Variants in CDH1 observed in about 807,000 individuals in gnomAD.
The protein encoded by CDH1 is cadherin-1.
In CDH1, 35 loss-of-function variants were observed where a neutral mutation model predicts 84.5. The ratio of observed to expected loss-of-function variants is 0.41; its 90% CI spans 0.32 to 0.55. The LOEUF (loss-of-function observed/expected upper bound fraction) is 0.55. Among genes scored for constraint, CDH1 ranks in the 20% least tolerant of loss-of-function variants. The probability of loss-of-function intolerance (pLI) is 0.19; values close to 1 mark genes in which losing one functional copy is unlikely to be tolerated. For missense variants in CDH1, 994 were observed against 1,126.6 expected (o/e 0.88, Z 1.68); for synonymous variants, 417 against 439.0 (o/e 0.95, Z 0.63).
intron 2 of CDH1, among the ~76,000 whole-genome samples, chr16:68,785,908 C>T (rs74608019): frequency 0.071 from 10,776 of 152,254 alleles, 867 homozygotes; most frequent in African/African-American, 0.2. Flanking sequence ...GCAAGCTTTC[C>T]AGTTTCACAT....
At chr16:68,820,421 G>T (rs1224555365) in intron 11 of CDH1, among the ~76,000 whole-genome samples, 1 of 149,312 alleles carries the variant, frequency 6.7e-6, no homozygotes, top group Non-Finnish European at 1.5e-5. Context: ...TGCAATCTTG[G>T]CTCACTGCAG....
At chr16:68,746,791 T>TA (rs1962757270) in intron 2 of CDH1, among the ~76,000 whole-genome samples, 2 of 151,894 alleles carry the variant, frequency 1.3e-5, no homozygotes, top group African/African-American at 2.4e-5. Context: ...CTGCTAAATA[T>TA]AAAAAAAGCT....
At chr16:68,810,379 C>G (rs376161688) in intron 6 of CDH1, 38 bp downstream of exon 6, 23 of 1,599,120 alleles carry the variant, frequency 1.4e-5, no homozygotes, top group Non-Finnish European at 1.9e-5. Context: ...CTCAGAAAGA[C>G]TCTTAGGTTC....
In CDH1 at chr16:68,811,863, A is replaced by AG. The variant is rs1555515665; in HGVS notation, c.1008+8dup. ...CACCACTGGGCTGGACCGAGAGGTC[A>AG]GGGGTCAGGAGGATCCAGAGGGTGT... is the stretch of plus-strand genomic sequence containing the variant. On this transcript the variant is annotated splice_donor_region_variant and intron_variant, in intron 7 of 15. Transcript: ENST00000261769. The AG allele has an allele frequency of 6.2e-7, 1 of 1,614,036 alleles. No individual in the cohort carries two copies. The highest frequency in any genetic ancestry group is 8.5e-7 in the Non-Finnish European group (1 of 1,179,946).
intron 13 of CDH1, among the ~76,000 whole-genome samples, chr16:68,825,130 G>T (rs1429320206): frequency 1.3e-5 from 2 of 151,896 alleles, no homozygotes; most frequent in African/African-American, 4.8e-5. Context: ...TTTTTTAAAA[G>T]AAATGTTTAA....
intron 2 of CDH1, among the ~76,000 whole-genome samples, chr16:68,741,397 G>T (rs1055961269): frequency 1.3e-5 from 2 of 152,132 alleles, no homozygotes; most frequent in African/African-American, 4.8e-5. Context: ...GACAGTGCAC[G>T]GAAGTGAAGG....
chr16:68,748,595 G>A (rs1429636982), intron 2 of CDH1, among the ~76,000 whole-genome samples: 1 of 152,164 alleles, frequency 6.6e-6, no homozygotes, highest in Non-Finnish European at 1.5e-5. Flanking sequence ...ACAGTAACCT[G>A]GGATATACAT....
At chr16:68,747,073 C>T (rs930111873) in intron 2 of CDH1, among the ~76,000 whole-genome samples, 1 of 152,188 alleles carries the variant, frequency 6.6e-6, no homozygotes, top group South Asian at 2.1e-4. Flanking sequence ...TCCAGAAAAT[C>T]TCCAAGAGAG....
intron 2 of CDH1, 35 bp from the exon 3 acceptor site, chr16:68,801,635 C>A (rs775380449): frequency 6.5e-7 from 1 of 1,549,876 alleles, no homozygotes; most frequent in South Asian, 1.1e-5. Flanking sequence ...TTTAATCTGT[C>A]CAATTTCCTA....
At chr16:68,832,034 C>T (rs112929116) in intron 15 of CDH1, among the ~76,000 whole-genome samples, 482 of 152,190 alleles carry the variant, frequency 3.2e-3, no homozygotes, top group Non-Finnish European at 4.6e-3. Context: ...AATGCAGGAA[C>T]AGAAAACCAA....
At chr16:68,817,809 C>A (rs181376035) in intron 10 of CDH1, among the ~76,000 whole-genome samples, 20 of 152,126 alleles carry the variant, frequency 1.3e-4, no homozygotes, top group Admixed American at 1.1e-3. Context: ...AAGAGCCATG[C>A]CAACGAAAGG....
chr16:68,750,248 G>C (rs1962855527), intron 2 of CDH1, among the ~76,000 whole-genome samples: 1 of 145,598 alleles, frequency 6.9e-6, no homozygotes, highest in African/African-American at 2.5e-5. Flanking sequence ...AATGCTAGCT[G>C]AACAGCGCTT....
At chr16:68,820,999 A>G (rs1265280556) in intron 11 of CDH1, among the ~76,000 whole-genome samples, 1 of 152,172 alleles carries the variant, frequency 6.6e-6, no homozygotes, top group Non-Finnish European at 1.5e-5. Context: ...TACATGAGAA[A>G]AAAGTTTTAA....
chr16:68,752,403 C>T (rs2152117602), intron 2 of CDH1, among the ~76,000 whole-genome samples: 1 of 152,342 alleles, frequency 6.6e-6, no homozygotes. Flanking sequence ...GAACAGAAGC[C>T]TCAGGAGGCC....
intron 3 of CDH1, among the ~76,000 whole-genome samples, chr16:68,804,335 G>A (rs1001264642): frequency 2.6e-5 from 4 of 151,664 alleles, no homozygotes; most frequent in Non-Finnish European, 2.9e-5. Flanking sequence ...GGATGGTCTC[G>A]ATCTCCTGAC....
rs1356582129 is a variant in CDH1, at chr16:68,834,453, G to A, written c.*954G>A. ...GCTGGTCTTAAACTCCTGGCCTCAA[G>A]CAATCCTTCTGCCTTGGCCCCCCAA... On this transcript the variant is annotated 3_prime_UTR_variant, in exon 16 of 16. Coordinates refer to ENST00000261769, the MANE Select transcript of CDH1 (RefSeq NM_004360.5). The A allele has an allele frequency of 3.1e-6, 1 of 324,856 alleles. No individual in the cohort carries two copies. Among genetic ancestry groups the A allele is most frequent in the Non-Finnish European group, 6.0e-6 (1 of 167,288 alleles). The allele number at this position is 324,856 out of a possible 1,614,324, so 20.1% of individuals were successfully genotyped here. A position where few individuals can be genotyped will look rare whatever the true frequency, so the allele number is the denominator to read the frequency against.
intron 2 of CDH1, among the ~76,000 whole-genome samples, chr16:68,787,867 C>T (rs1443264089): frequency 1.4e-5 from 2 of 147,066 alleles, no homozygotes; most frequent in African/African-American, 5.0e-5. Flanking sequence ...CTCTTGTTGC[C>T]CAGGCTGGAG....
intron 6 of CDH1, among the ~76,000 whole-genome samples, chr16:68,810,654 A>C (rs1479974000): frequency 6.6e-6 from 1 of 151,528 alleles, no homozygotes. Context: ...ACCTGTGCTC[A>C]GGAGTTCAAG....
At chr16:68,799,165 A>G (rs1597882934) in intron 2 of CDH1, among the ~76,000 whole-genome samples, 1 of 152,278 alleles carries the variant, frequency 6.6e-6, no homozygotes, top group African/African-American at 2.4e-5. Context: ...CTGGTTTTAT[A>G]ATCCAGTCGC....
Sources: allele counts gnomAD v4.1 joint callset (sites outside exome capture counted in the v4.1 genomes callset), GRCh38; gene constraint gnomAD v4.1.1; transcripts MANE v1.5; gene names NCBI Gene and HGNC (gene_info 2026-07-23, HGNC 2026-07-21).